Variants in BRINP1 observed in about 807,000 individuals in gnomAD.
BRINP1 encodes BMP/retinoic acid inducible neural specific 1.
BRINP1 carries 17 observed loss-of-function variants against 72.9 expected under a neutral mutation model. The observed-to-expected ratio is 0.23, with a 90% CI of 0.16 to 0.35. BRINP1 has a LOEUF of 0.35. BRINP1 is among the 10% of genes least tolerant of loss of function. The pLI, the probability that BRINP1 is intolerant of heterozygous loss-of-function variation, is 1.00. For synonymous variants in BRINP1, 418 were observed against 378.5 expected (o/e 1.10, Z -1.21); for missense variants, 850 against 1,001.6 (o/e 0.85, Z 2.04).
chr9:119,358,648 C>T lies in BRINP1; in HGVS notation c.-51+10408G>A, dbSNP rs535661902. 1.3e-3 allele frequency among the ~76,000 whole-genome samples: 197 copies of T among 152,176 alleles called. 2 individuals carry two copies. The highest frequency in any genetic ancestry group is 4.7e-3 in the African/African-American group (193 of 41,504). ...GGCGGAGGTTGCAGTGAGCTGGGAT[C>T]ACACCACTGCACTCCAGCGTGGGCG... On this transcript the variant is annotated intron_variant, in intron 1 of 7. Transcript: ENST00000265922.
intron 1 of BRINP1, among the ~76,000 whole-genome samples, chr9:119,336,984 G>T (rs1587965074): frequency 6.6e-6 from 1 of 152,018 alleles, no homozygotes; most frequent in Admixed American, 6.5e-5. Context: ...GGATTAATGG[G>T]AGAGAGGGAG....
At chr9:119,234,627 A>G (rs901885839) in intron 5 of BRINP1, among the ~76,000 whole-genome samples, 1 of 152,120 alleles carries the variant, frequency 6.6e-6, no homozygotes, top group African/African-American at 2.4e-5. Context: ...TTATAATTTT[A>G]ATGTATCCAA....
chr9:119,226,812 G>A (rs564814978), intron 5 of BRINP1, among the ~76,000 whole-genome samples: 83 of 152,028 alleles, frequency 5.5e-4, no homozygotes, highest in African/African-American at 2.0e-3. Flanking sequence ...GAAAGGTTAT[G>A]GTGCTGGCAC....
In BRINP1 at chr9:119,351,054, G is replaced by A. The variant is rs144664653; in HGVS notation, c.-51+18002C>T. ...ACATGTATTAGGTATTTGTCCTAAT[G>A]TTCTCCCTTGTCTTGCCCCCCAACC... On this transcript the variant is annotated intron_variant, in intron 1 of 7. Transcript: ENST00000265922. 2.8e-4 allele frequency among the ~76,000 whole-genome samples: 43 copies of A among 152,122 alleles called. No individual in the cohort carries two copies. The Middle Eastern group carries it at 0.01, about 36-fold the overall frequency.
chr9:119,203,890 C>T (rs1355106327), intron 7 of BRINP1, among the ~76,000 whole-genome samples: 1 of 152,116 alleles, frequency 6.6e-6, no homozygotes, highest in Non-Finnish European at 1.5e-5. Context: ...ATGTCCCCTG[C>T]CCCCATAATG....
At chr9:119,184,069 C>G (rs1174282580) in intron 7 of BRINP1, among the ~76,000 whole-genome samples, 1 of 152,120 alleles carries the variant, frequency 6.6e-6, no homozygotes, top group Non-Finnish European at 1.5e-5. Flanking sequence ...CAGGAAGCTA[C>G]TTCCGAGCCA....
intron 2 of BRINP1, among the ~76,000 whole-genome samples, chr9:119,283,457 A>C (rs1449612861): frequency 1.3e-5 from 2 of 152,206 alleles, no homozygotes; most frequent in Admixed American, 1.3e-4. Flanking sequence ...ACTTTCACGG[A>C]CACAACTTTG....
intron 2 of BRINP1, among the ~76,000 whole-genome samples, chr9:119,266,949 C>T (rs1008943411): frequency 6.6e-5 from 10 of 152,098 alleles, no homozygotes; most frequent in African/African-American, 1.9e-4. Context: ...AGGATCACTC[C>T]GGCTGCTGTG....
intron 2 of BRINP1, among the ~76,000 whole-genome samples, chr9:119,301,039 T>C (rs1167419764): frequency 6.6e-6 from 1 of 152,220 alleles, no homozygotes; most frequent in African/African-American, 2.4e-5. Flanking sequence ...TAACTCCAAA[T>C]ACTGTAACTT....
At chr9:119,346,702 A>T (rs1831456307) in intron 1 of BRINP1, among the ~76,000 whole-genome samples, 1 of 152,228 alleles carries the variant, frequency 6.6e-6, no homozygotes, top group South Asian at 2.1e-4. Context: ...AGTGACATTC[A>T]CAAAATTAAG....
chr9:119,214,466 T>A (rs1347111834), intron 5 of BRINP1, among the ~76,000 whole-genome samples: 1 of 152,230 alleles, frequency 6.6e-6, no homozygotes, highest in African/African-American at 2.4e-5. Context: ...GAGAAAACTC[T>A]TATTGAAAAT....
chr9:119,179,287 A>G (rs1352906851), intron 7 of BRINP1, among the ~76,000 whole-genome samples: 2 of 152,182 alleles, frequency 1.3e-5, no homozygotes, highest in East Asian at 3.9e-4. Context: ...GATGCAATAC[A>G]TCCAAATCAG....
At chr9:119,219,350 C>T (rs1830014546) in intron 5 of BRINP1, among the ~76,000 whole-genome samples, 1 of 152,128 alleles carries the variant, frequency 6.6e-6, no homozygotes, top group Non-Finnish European at 1.5e-5. Context: ...ATAAAACATG[C>T]TAAGAATGCA....
At chr9:119,168,668 CCCATTACAGATTCCT>C (rs1644255830) in intron 7 of BRINP1, among the ~76,000 whole-genome samples, 1 of 117,908 alleles carries the variant, frequency 8.5e-6, no homozygotes, top group African/African-American at 2.6e-5. Flanking sequence ...TGTTTCAACC[CCCATTACAGATTCCT>C]CCCATGAGGG....
At chr9:119,272,973 A>G (rs1462177578) in intron 2 of BRINP1, among the ~76,000 whole-genome samples, 2 of 152,182 alleles carry the variant, frequency 1.3e-5, no homozygotes, top group East Asian at 1.9e-4. Context: ...TGCAGAGCCA[A>G]AAGCCCCATT....
At chr9:119,212,816 T>C (rs1829943065) in intron 6 of BRINP1, among the ~76,000 whole-genome samples, 1 of 152,224 alleles carries the variant, frequency 6.6e-6, no homozygotes, top group South Asian at 2.1e-4. Context: ...CATGGTCTTC[T>C]TTCCAAATCT....
intron 2 of BRINP1, among the ~76,000 whole-genome samples, chr9:119,250,376 G>T (rs1419291036): frequency 6.6e-6 from 1 of 152,114 alleles, no homozygotes; most frequent in Admixed American, 6.5e-5. Context: ...AATAACAGAG[G>T]ATCTCACAAC....
chr9:119,227,456 A>G (rs1830103596), intron 5 of BRINP1, among the ~76,000 whole-genome samples: 1 of 152,088 alleles, frequency 6.6e-6, no homozygotes, highest in Non-Finnish European at 1.5e-5. Flanking sequence ...TTCATAAAGT[A>G]AAAGCAACAG....
chr9:119,332,656 G>C (rs758589049), intron 1 of BRINP1, among the ~76,000 whole-genome samples: 2 of 152,182 alleles, frequency 1.3e-5, no homozygotes, highest in South Asian at 4.1e-4. Context: ...TTCAGAGGGA[G>C]GATGAAAGAC....
Sources: gnomAD v4.1 joint callset for allele counts (sites outside exome capture counted in the v4.1 genomes callset) on GRCh38, gnomAD v4.1.1 for gene constraint, MANE v1.5 for transcripts, NCBI Gene and HGNC (gene_info 2026-07-23, HGNC 2026-07-21) for gene names.